CACNA1H: variants seen among roughly 807,000 people sequenced by gnomAD.
CACNA1H encodes voltage-dependent T-type calcium channel subunit alpha-1H.
In CACNA1H, 149 loss-of-function variants were observed where a neutral mutation model predicts 192.5. The observed-to-expected ratio is 0.77, with a 90% confidence interval of 0.68 to 0.89. CACNA1H has a LOEUF of 0.89. CACNA1H is among the 40% of genes least tolerant of loss of function. The pLI, the probability that CACNA1H is intolerant of heterozygous loss-of-function variation, is 0.00. For synonymous variants in CACNA1H, 2,202 were observed against 1,475.2 expected (o/e 1.49, Z -11.29); for missense variants, 4,257 against 3,423.5 (o/e 1.24, Z -6.08).
intron 5 of CACNA1H, among the ~76,000 whole-genome samples, chr16:1,197,501 G>GC (rs1404709467): frequency 1.6e-4 from 25 of 152,344 alleles, no homozygotes; most frequent in Non-Finnish European, 3.2e-4. Flanking sequence ...GTCTCTAGGA[G>GC]AGAACTAGGG....
intron 12 of CACNA1H, 33 bp from the exon 13 acceptor site, chr16:1,206,968 C>T (rs1289752081): frequency 1.7e-6 from 2 of 1,148,496 alleles, no homozygotes; most frequent in African/African-American, 3.2e-5. Context: ...ACCCCTGCCT[C>T]CACCCTCAAC....
At position 1,204,132 on chromosome 16, in the gene CACNA1H, G is replaced by T; in HGVS notation, c.2125G>T (p.Asp709Tyr). 6.2e-7 allele frequency: 1 copy of T among 1,612,432 alleles called. No individual in the cohort carries two copies. The highest frequency in any genetic ancestry group is 8.5e-7 in the Non-Finnish European group (1 of 1,179,754). Residue 709 changes from aspartate (D) to tyrosine (Y), a missense_variant, in exon 10 of 35, where the codon GAC becomes TAC. Transcript: ENST00000348261. ...CCCGTACTGCACCCGTGCCCTGGAG[G>T]ACCCGGAGGGTGAGCTCAGCGGCTC... ...SCPYCTRALE[D>Y]PEGELSGSES...
intron 2 of CACNA1H, among the ~76,000 whole-genome samples, chr16:1,186,727 A>G (rs1339658243): frequency 1.3e-5 from 2 of 152,120 alleles, no homozygotes; most frequent in Non-Finnish European, 2.9e-5. Context: ...ACGGGTGGCC[A>G]CGTAATGCTT....
At chr16:1,184,354 G>A (rs1213468574) in intron 2 of CACNA1H, among the ~76,000 whole-genome samples, 2 of 152,260 alleles carry the variant, frequency 1.3e-5, no homozygotes, top group East Asian at 1.9e-4. Context: ...GTGGGACCGA[G>A]GCTCAGGGGT....
Position 1,220,072 on chromosome 16 carries a change from G to T in CACNA1H, c.6140G>T (p.Arg2047Met). 1.4e-6 allele frequency: 2 copies of T among 1,444,120 alleles called. No individual in the cohort carries two copies. Among genetic ancestry groups the T allele is most frequent in the East Asian group, 2.7e-5 (1 of 36,756 alleles). The allele number at this position is 1,444,120 out of a possible 1,614,324, so 89.5% of individuals were successfully genotyped here. The change falls in exon 35 of 35, where the codon AGG (arginine) becomes ATG (methionine). Residue 2047 changes from arginine to methionine, a missense_variant. Transcript: ENST00000348261. ...GAGCCTGGTGAGAAAACCCCGGTGA[G>T]GCCGGTGACCCAGGGGGGCTCCCTG... ...PAEPGEKTPV[R>M]PVTQGGSLQS...
At chr16:1,163,040 G>C (rs765489881) in intron 2 of CACNA1H, among the ~76,000 whole-genome samples, 3 of 152,232 alleles carry the variant, frequency 2.0e-5, no homozygotes, top group Non-Finnish European at 4.4e-5. Flanking sequence ...CCTTGGGCTC[G>C]TCTGACTCTG....
rs570207081 is a variant in CACNA1H, at chr16:1,196,005, G to A, written c.625G>A (p.Ala209Thr). 25 of 1,612,710 alleles carry A rather than the reference G, an allele frequency of 1.6e-5. 1 individual carries two copies. Among genetic ancestry groups the A allele is most frequent in the East Asian group, 4.5e-5 (2 of 44,872 alleles). The change falls in exon 5 of 35, where the codon GCC (alanine) becomes ACC (threonine). Residue 209 changes from alanine (A) to threonine (T), a missense_variant. By Grantham distance (58) the Ala-to-Thr change is moderately conservative. Transcript: ENST00000348261. The stretch of plus-strand genomic sequence containing the variant: ...CGTGCGGGTGCTGCGGCCCCTCCGC[G>A]CCATCAACCGCGTGCCTAGTAAGTG... ...RTVRVLRPLR[A>T]INRVPSMRIL...
In CACNA1H at chr16:1,180,601, C is replaced by T. The variant is rs1342803826; in HGVS notation, c.300-14371C>T. Among the ~76,000 whole-genome samples the T allele has an allele frequency of 2.0e-5, 3 of 151,990 alleles. No homozygotes were observed. The highest frequency in any genetic ancestry group is 3.2e-3 in the Middle Eastern group (1 of 316). On this transcript the variant is annotated intron_variant, in intron 2 of 34. Transcript: ENST00000348261. This position sits in a 1 kb window ranked among gnomAD's most constrained non-coding sequence, Gnocchi z 4.4. The stretch of plus-strand genomic sequence containing the variant: ...GGGGGGCCAGGGAGGAGGGGCTGCT[C>T]TCCATAGTGTGTCGGGTGGGGAGTG...
intron 5 of CACNA1H, among the ~76,000 whole-genome samples, chr16:1,196,627 G>A (rs1967008850): frequency 6.6e-6 from 1 of 152,198 alleles, no homozygotes; most frequent in East Asian, 1.9e-4. Flanking sequence ...TGATTTTCTA[G>A]AAGGAAGGCT....
Position 1,218,997 on chromosome 16 carries a change from C to CCGCAGAGT in CACNA1H, c.5917_5924dup (p.Cys1976GlnfsTer74). Reference sequence around the variant, plus strand: ...TCCGTTGCCTCTGTGCACTCTCCGCCCGCAGAGTCCTGTGCCTCCCTCCAG... The same window carrying CCGCAGAGT: ...TCCGTTGCCTCTGTGCACTCTCCGCCCGCAGAGTCGCAGAGTCCTGTGCCTCCCTCCAG... On this transcript the variant is annotated frameshift_variant, in exon 34 of 35. Coordinates refer to ENST00000348261, the MANE Select transcript of CACNA1H (RefSeq NM_021098.3). LOFTEE classifies it high-confidence loss of function. 6.5e-7 allele frequency: 1 copy of CCGCAGAGT among 1,550,292 alleles called. No homozygotes were observed. Among genetic ancestry groups the CCGCAGAGT allele is most frequent in the Non-Finnish European group, 8.7e-7 (1 of 1,146,900 alleles).
In CACNA1H at chr16:1,204,271, G is replaced by A. The variant is rs142306293; in HGVS notation, c.2264G>A (p.Gly755Asp). The A allele has an allele frequency of 2.8e-4, 451 of 1,608,392 alleles. No individual in the cohort carries two copies. Among genetic ancestry groups the A allele is most frequent in the Non-Finnish European group, 3.5e-4 (414 of 1,177,638 alleles). ...CGTGCGACGGACACACCAGGCCCAG[G>A]CCCAGGCAGCCCCCAGCGGCGGGCA... ...PPRATDTPGP[G>D]PGSPQRRAQQ... Residue 755 changes from glycine (G) to aspartate (D), a missense_variant, in exon 10 of 35, where the codon GGC becomes GAC. By Grantham distance (94) the Gly-to-Asp change is moderately conservative. Coordinates refer to ENST00000348261, the MANE Select transcript of CACNA1H (RefSeq NM_021098.3).
At chr16:1,211,644 G>A in intron 23 of CACNA1H, 38 bp downstream of exon 23, 8 of 1,609,702 alleles carry the variant, frequency 5.0e-6, no homozygotes, top group Non-Finnish European at 6.8e-6. Flanking sequence ...GGGGTCTCCA[G>A]GACACCCTGG....
chr16:1,206,325 TCA>T (rs1567526565), intron 12 of CACNA1H, 36 bp downstream of exon 12: 1 of 1,538,710 alleles, frequency 6.5e-7, no homozygotes, highest in African/African-American at 1.4e-5. Context: ...GCCCAGTGTC[TCA>T]CCCCAGGGCA....
chr16:1,201,181 C>T (rs940359083), intron 8 of CACNA1H, among the ~76,000 whole-genome samples: 9 of 152,186 alleles, frequency 5.9e-5, no homozygotes, highest in African/African-American at 1.2e-4. Context: ...CCGCAGACGT[C>T]TGTGGGGTCC....
At chr16:1,176,055 C>T (rs780668798) in intron 2 of CACNA1H, among the ~76,000 whole-genome samples, 1 of 152,218 alleles carries the variant, frequency 6.6e-6, no homozygotes, top group African/African-American at 2.4e-5. Flanking sequence ...ATCGCCCAGT[C>T]ACAGGACACA....
At chr16:1,174,158 A>G (rs1964638114) in intron 2 of CACNA1H, among the ~76,000 whole-genome samples, 2 of 152,122 alleles carry the variant, frequency 1.3e-5, no homozygotes, top group African/African-American at 4.8e-5. Flanking sequence ...GGACTGAAGC[A>G]GAGAGTCTCC....
chr16:1,212,875 G>A (rs1023767812), intron 26 of CACNA1H, among the ~76,000 whole-genome samples: 8 of 152,202 alleles, frequency 5.3e-5, no homozygotes, highest in Non-Finnish European at 8.8e-5. Context: ...CCCGGGCTGC[G>A]CTGAGTGCTT....
chr16:1,200,844 C>G (rs184503231), intron 8 of CACNA1H, 36 bp downstream of exon 8: 7 of 1,467,372 alleles, frequency 4.8e-6, no homozygotes, highest in Non-Finnish European at 6.5e-6. Flanking sequence ...ATGATGGGCC[C>G]TGGTGTTAGC....
chr16:1,196,711 T>C (rs1453589362), intron 5 of CACNA1H, among the ~76,000 whole-genome samples: 1 of 152,094 alleles, frequency 6.6e-6, no homozygotes, highest in African/African-American at 2.4e-5. Context: ...GTGTCTGCTG[T>C]GCGCTGGGTG....
Sources: allele counts gnomAD v4.1 joint callset (sites outside exome capture counted in the v4.1 genomes callset), GRCh38; gene constraint gnomAD v4.1.1; non-coding constraint Gnocchi (gnomAD v3.1); transcripts MANE v1.5; gene names NCBI Gene and HGNC (gene_info 2026-07-23, HGNC 2026-07-21).